Variants in PCP4 observed in about 807,000 individuals in gnomAD.
PCP4 encodes Purkinje cell protein 4, also known as calmodulin regulator protein PCP4.
PCP4 carries 8 observed loss-of-function variants against 10.0 expected under a neutral mutation model. The observed-to-expected ratio is 0.80, with a 90% confidence interval of 0.47 to 1.45. The LOEUF (loss-of-function observed/expected upper bound fraction) is 1.45. Ranked by LOEUF, PCP4 falls within the 40% of genes most tolerant of loss-of-function variation. PCP4 has a pLI of 0.00. For missense variants in PCP4, 54 were observed against 74.4 expected (o/e 0.73, Z 1.01); for synonymous variants, 21 against 23.0 (o/e 0.91, Z 0.24).
rs535250195 is a variant in PCP4, at chr21:39,924,449, C to T, written c.62-4535C>T. On this transcript the variant is annotated intron_variant, in intron 2 of 2. Transcript: ENST00000328619. ...CTTCTGCAGGGTGCCTGGCTCAGTG[C>T]GGAGAGTATCTAGGTGTGAGGAGAG... Among the ~76,000 whole-genome samples the T allele has an allele frequency of 4.6e-5, 7 of 152,246 alleles. No homozygotes were observed. In the East Asian group the frequency reaches 1.4e-3, roughly 29 times the overall value.
intron 1 of PCP4, among the ~76,000 whole-genome samples, chr21:39,892,835 C>T (rs1051259721): frequency 6.6e-6 from 1 of 152,056 alleles, no homozygotes; most frequent in Non-Finnish European, 1.5e-5. Flanking sequence ...ATTAACCATC[C>T]CCACCTCCCC....
intron 2 of PCP4, among the ~76,000 whole-genome samples, chr21:39,925,865 T>A (rs1288443108): frequency 6.6e-6 from 1 of 152,158 alleles, no homozygotes; most frequent in Non-Finnish European, 1.5e-5. Flanking sequence ...TCCAAGGCCC[T>A]GAAGAGTGGT....
intron 2 of PCP4, among the ~76,000 whole-genome samples, chr21:39,927,112 A>G (rs1426077964): frequency 6.6e-6 from 1 of 151,620 alleles, no homozygotes; most frequent in Non-Finnish European, 1.5e-5. Context: ...AGGTGAGAGG[A>G]TGATTGAAGG....
In PCP4 at chr21:39,894,271, C is replaced by G. The variant is rs1007501787; in HGVS notation, c.10-4205C>G. ...ACTACCCCTCTACTACCTGCTTCCC[C>G]AGAAGAAAAGATAGCAAAATCCCAC... On this transcript the variant is annotated intron_variant, in intron 1 of 2. Coordinates refer to ENST00000328619, the MANE Select transcript of PCP4 (RefSeq NM_006198.3). Among the ~76,000 whole-genome samples, 3 of 152,226 alleles carry G rather than the reference C, an allele frequency of 2.0e-5. No individual in the cohort carries two copies. In the South Asian group the frequency reaches 6.2e-4, roughly 32 times the overall value.
intron 2 of PCP4, among the ~76,000 whole-genome samples, chr21:39,903,476 G>A (rs2837284): frequency 0.28 from 42,490 of 152,046 alleles, 5,937 homozygotes; most frequent in Middle Eastern, 0.36. Context: ...GCACAAGCTC[G>A]GGCTCCATGC....
At chr21:39,876,301 C>T (rs1346152918) in intron 1 of PCP4, among the ~76,000 whole-genome samples, 1 of 152,134 alleles carries the variant, frequency 6.6e-6, no homozygotes, top group Non-Finnish European at 1.5e-5. Flanking sequence ...CTGGCAAACC[C>T]ATTCTATTTC....
intron 1 of PCP4, among the ~76,000 whole-genome samples, chr21:39,888,578 C>T (rs1353097300): frequency 6.6e-6 from 1 of 152,194 alleles, no homozygotes; most frequent in East Asian, 1.9e-4. Context: ...GTGGTTGGCA[C>T]ACCTCCCTCA....
Position 39,929,267 on chromosome 21 carries a change from T to C in PCP4, c.*156T>C. On this transcript the variant is annotated 3_prime_UTR_variant, in exon 3 of 3. Transcript: ENST00000328619. ...CATGTACAGAAACCTGTGATATTTA[T>C]ACCCTTGTAGGAAGGTATAGACAAT... 6.5e-6 allele frequency: 4 copies of C among 612,748 alleles called. No individual in the cohort carries two copies. The highest frequency in any genetic ancestry group is 2.9e-5 in the East Asian group (1 of 34,248). 38.0% of individuals were successfully genotyped at this position (612,748 alleles called of 1,614,324 possible). A position where few individuals can be genotyped will look rare whatever the true frequency, so the allele number is the denominator to read the frequency against.
chr21:39,893,179 A>T (rs1421186200), intron 1 of PCP4, among the ~76,000 whole-genome samples: 5 of 152,204 alleles, frequency 3.3e-5, no homozygotes, highest in Non-Finnish European at 5.9e-5. Flanking sequence ...ACCATAGTGC[A>T]ACCGACATCT....
intron 2 of PCP4, among the ~76,000 whole-genome samples, chr21:39,918,916 CTT>C (rs889320842): frequency 1.3e-5 from 2 of 152,134 alleles, no homozygotes; most frequent in Non-Finnish European, 2.9e-5. Flanking sequence ...AGCTTATTGT[CTT>C]TTTTTAAATT....
intron 1 of PCP4, among the ~76,000 whole-genome samples, chr21:39,876,911 G>A (rs1431486442): frequency 6.6e-6 from 1 of 152,122 alleles, no homozygotes; most frequent in East Asian, 1.9e-4. Context: ...GCTTAAGGAC[G>A]GTTGACCTTG....
intron 1 of PCP4, among the ~76,000 whole-genome samples, chr21:39,876,551 A>G (rs2087346896): frequency 6.6e-6 from 1 of 152,220 alleles, no homozygotes; most frequent in African/African-American, 2.4e-5. Flanking sequence ...ACTGCAAGGT[A>G]TCACATGATG....
chr21:39,905,037 G>C (rs1568857687), intron 2 of PCP4, among the ~76,000 whole-genome samples: 1 of 152,156 alleles, frequency 6.6e-6, no homozygotes, highest in African/African-American at 2.4e-5. Context: ...ACATATCCCA[G>C]GCTAGAAAGC....
rs775068808 is a variant in PCP4 at position 39,867,529 on chromosome 21, T to G, written c.9+19T>G. On this transcript the variant is annotated intron_variant, in intron 1 of 2. Coordinates refer to ENST00000328619, the MANE Select transcript of PCP4 (RefSeq NM_006198.3). ...GAGTGAGGTGAGTGATGCTTCGACC[T>G]GGAGAGGGAAACTTAGGAGTGAGAA... 1.2e-6 allele frequency: 2 copies of G among 1,613,448 alleles called. No individual in the cohort carries two copies. The highest frequency in any genetic ancestry group is 1.7e-6 in the Non-Finnish European group (2 of 1,179,448).
intron 1 of PCP4, among the ~76,000 whole-genome samples, chr21:39,897,223 A>G (rs539992090): frequency 6.6e-6 from 1 of 152,082 alleles, no homozygotes; most frequent in Admixed American, 6.5e-5. Flanking sequence ...CCCCATCTCT[A>G]CTAAAAATAC....
chr21:39,893,137 C>T (rs1306045020), intron 1 of PCP4, among the ~76,000 whole-genome samples: 1 of 152,214 alleles, frequency 6.6e-6, no homozygotes, highest in African/African-American at 2.4e-5. Context: ...CATCCTCTCT[C>T]TTTCACTTCT....
chr21:39,869,086 G>T (rs1179802001), intron 1 of PCP4, among the ~76,000 whole-genome samples: 8 of 152,306 alleles, frequency 5.3e-5, no homozygotes, highest in East Asian at 3.9e-4. Flanking sequence ...GCGTGGAGTG[G>T]TTTTTCTTTA....
At chr21:39,921,418 G>A (rs1023307652) in intron 2 of PCP4, among the ~76,000 whole-genome samples, 1 of 152,226 alleles carries the variant, frequency 6.6e-6, no homozygotes, top group Non-Finnish European at 1.5e-5. Flanking sequence ...TGTTTCCTCA[G>A]CTCTCATAAA....
At chr21:39,893,104 T>C (rs2146334723) in intron 1 of PCP4, among the ~76,000 whole-genome samples, 1 of 152,272 alleles carries the variant, frequency 6.6e-6, no homozygotes, top group African/African-American at 2.4e-5. Context: ...TCATAGCAGC[T>C]GCCTCTCCAC....
Sources: gnomAD v4.1 joint callset for allele counts (sites outside exome capture counted in the v4.1 genomes callset) on GRCh38, gnomAD v4.1.1 for gene constraint, MANE v1.5 for transcripts, NCBI Gene and HGNC (gene_info 2026-07-23, HGNC 2026-07-21) for gene names.